Variants in INPP4B observed in about 807,000 individuals in gnomAD.
INPP4B encodes inositol polyphosphate-4-phosphatase type II B, also known as inositol polyphosphate 4-phosphatase type II.
A neutral mutation model predicts 122.5 loss-of-function variants in INPP4B; 55 were observed. The observed-to-expected ratio is 0.45, with a 90% CI of 0.36 to 0.56. The LOEUF (loss-of-function observed/expected upper bound fraction) is 0.56, where lower values mean the gene tolerates loss of function less well. INPP4B is among the 20% of genes least tolerant of loss of function. The probability of loss-of-function intolerance (pLI) is 0.00; values close to 1 mark genes in which losing one functional copy is unlikely to be tolerated. For synonymous variants in INPP4B, 403 were observed against 388.7 expected (o/e 1.04, Z -0.43); for missense variants, 1,000 against 1,097.7 (o/e 0.91, Z 1.26).
At chr4:142,028,956 T>C (rs1396694641) in intron 25 of INPP4B, 42 bp from the exon 26 acceptor site, 5 of 1,586,648 alleles carry the variant, frequency 3.2e-6, no homozygotes, top group East Asian at 2.3e-5. Flanking sequence ...AAACACAGAA[T>C]AAATAAATAT....
chr4:142,742,149 A>AT lies in INPP4B; in HGVS notation c.-253-16249dup, dbSNP rs1767993992. On this transcript the variant is annotated intron_variant, in intron 1 of 25. Transcript: ENST00000262992. ...ACAGTAGACCCACACTCACCCTCCTATTGATAATTGTCCTCCTATCACTGG... is the reference window on the plus strand; with the variant it reads ...ACAGTAGACCCACACTCACCCTCCTATTTGATAATTGTCCTCCTATCACTGG... Among the ~76,000 whole-genome samples the AT allele has an allele frequency of 2.6e-5, 4 of 151,858 alleles. No individual in the cohort carries two copies. In the South Asian group the frequency reaches 8.3e-4, roughly 31 times the overall value.
chr4:142,159,335 T>C lies in INPP4B; in HGVS notation c.1563+1023A>G, dbSNP rs545004698. ...AGATTTGCTCTTTGAAAATGCTTCA[T>C]TGGGAGAAATGCAATTTTAATCACC... On this transcript the variant is annotated intron_variant, in intron 17 of 25. Transcript: ENST00000262992. 2.0e-3 allele frequency among the ~76,000 whole-genome samples: 311 copies of C among 151,890 alleles called. 3 individuals are homozygous for C. In the South Asian group the frequency reaches 0.029, roughly 14 times the overall value.
intron 2 of INPP4B, among the ~76,000 whole-genome samples, chr4:142,592,627 G>A (rs28753390): frequency 6.6e-6 from 1 of 152,098 alleles, no homozygotes; most frequent in African/African-American, 2.4e-5. Context: ...CCATAGACTA[G>A]AAATATTTTC....
intron 2 of INPP4B, among the ~76,000 whole-genome samples, chr4:142,716,285 C>T (rs1201893136): frequency 1.3e-5 from 2 of 152,132 alleles, no homozygotes; most frequent in East Asian, 3.9e-4. Context: ...TAAAAGAAAC[C>T]TTAGTCAAAC....
chr4:142,082,639 A>T (rs1233770035), intron 24 of INPP4B, among the ~76,000 whole-genome samples: 1 of 152,206 alleles, frequency 6.6e-6, no homozygotes, highest in Admixed American at 6.5e-5. Context: ...CTTATTTTTC[A>T]TTTAAGAAAC....
intron 15 of INPP4B, among the ~76,000 whole-genome samples, chr4:142,176,180 C>T (rs113223436): frequency 3.4e-5 from 5 of 147,644 alleles, no homozygotes; most frequent in African/African-American, 1.2e-4. Context: ...GGTACATGTG[C>T]ATAACATGCA....
At chr4:142,355,873 T>C (rs1783434268) in intron 7 of INPP4B, among the ~76,000 whole-genome samples, 1 of 151,768 alleles carries the variant, frequency 6.6e-6, no homozygotes, top group Non-Finnish European at 1.5e-5. Context: ...TTTTTTTTTT[T>C]TAACATAAGG....
chr4:142,296,266 T>G (rs2151042167), intron 9 of INPP4B, among the ~76,000 whole-genome samples: 1 of 151,682 alleles, frequency 6.6e-6, no homozygotes, highest in East Asian at 1.9e-4. Flanking sequence ...CCTACAGCTT[T>G]ATTTAAATGG....
At chr4:142,817,330 T>A (rs1233921756) in intron 1 of INPP4B, among the ~76,000 whole-genome samples, 1 of 152,126 alleles carries the variant, frequency 6.6e-6, no homozygotes, top group Admixed American at 6.6e-5. Context: ...ATGTGTGAAA[T>A]AAAATTATCA....
intron 24 of INPP4B, among the ~76,000 whole-genome samples, chr4:142,082,652 T>C (rs75724758): frequency 0.024 from 3,613 of 152,324 alleles, 58 homozygotes; most frequent in Middle Eastern, 0.044. Context: ...TAAGAAACAT[T>C]TGCTAGTCTT....
intron 3 of INPP4B, among the ~76,000 whole-genome samples, chr4:142,432,918 T>C (rs7677953): frequency 0.015 from 2,294 of 152,244 alleles, 25 homozygotes; most frequent in Non-Finnish European, 0.023. Flanking sequence ...TCGGTATATG[T>C]GCACTTGTAT....
rs184691421 is a variant in INPP4B, at chr4:142,102,599, A to T, written c.2374+5494T>A. Among the ~76,000 whole-genome samples the T allele has an allele frequency of 1.6e-4, 24 of 151,340 alleles. 1 individual carries two copies. In the East Asian group the frequency reaches 2.2e-3, roughly 14 times the overall value. ...TTTAGGATTCTTTCAAAACCTTTGT[A>T]TCAGTCTTCAAGAGTTTTCTGTGAC... On this transcript the variant is annotated intron_variant, in intron 23 of 25. Transcript: ENST00000262992.
intron 7 of INPP4B, among the ~76,000 whole-genome samples, chr4:142,392,490 G>C (rs1579935806): frequency 1.3e-5 from 2 of 152,128 alleles, no homozygotes; most frequent in Non-Finnish European, 2.9e-5. Flanking sequence ...AACTTTAATG[G>C]TACATATGTT....
intron 2 of INPP4B, among the ~76,000 whole-genome samples, chr4:142,556,706 T>C (rs1729267152): frequency 7.2e-6 from 1 of 139,732 alleles, no homozygotes; most frequent in Non-Finnish European, 1.5e-5. Context: ...ATGTGTTATT[T>C]AGGAAAAAAA....
chr4:142,549,439 A>G (rs1218238352), intron 2 of INPP4B, among the ~76,000 whole-genome samples: 1 of 152,118 alleles, frequency 6.6e-6, no homozygotes, highest in Non-Finnish European at 1.5e-5. Context: ...CCAGTCAAGG[A>G]GTCTAACCAA....
chr4:142,794,031 T>C (rs2151072045), intron 1 of INPP4B, among the ~76,000 whole-genome samples: 1 of 152,182 alleles, frequency 6.6e-6, no homozygotes, highest in Non-Finnish European at 1.5e-5. Context: ...ATCAATGGGT[T>C]ATTTTTGGTG....
At chr4:142,527,814 G>GT (rs1036922532) in intron 2 of INPP4B, among the ~76,000 whole-genome samples, 17 of 151,578 alleles carry the variant, frequency 1.1e-4, no homozygotes, top group African/African-American at 3.4e-4. Flanking sequence ...TACATTGACT[G>GT]TTTTTTTCAT....
intron 2 of INPP4B, among the ~76,000 whole-genome samples, chr4:142,559,674 C>T (rs1197327077): frequency 6.6e-6 from 1 of 152,014 alleles, no homozygotes; most frequent in Non-Finnish European, 1.5e-5. Context: ...GTAATCATAG[C>T]CCTTTAAAAA....
At chr4:142,589,807 C>G (rs1737034496) in intron 2 of INPP4B, among the ~76,000 whole-genome samples, 1 of 152,034 alleles carries the variant, frequency 6.6e-6, no homozygotes, top group Non-Finnish European at 1.5e-5. Context: ...GCACGTTTAC[C>G]TAGAAACTAC....
Sources: allele counts gnomAD v4.1 joint callset (sites outside exome capture counted in the v4.1 genomes callset), GRCh38; gene constraint gnomAD v4.1.1; transcripts MANE v1.5; gene names NCBI Gene and HGNC (gene_info 2026-07-23, HGNC 2026-07-21).